DACH2: variants seen among roughly 807,000 people sequenced by gnomAD.
DACH2 encodes dachshund homolog 2.
A neutral mutation model predicts 35.8 loss-of-function variants in DACH2; 17 were observed. The observed-to-expected ratio is 0.48, with a 90% confidence interval of 0.33 to 0.71. The LOEUF (loss-of-function observed/expected upper bound fraction) is 0.71, where lower values mean the gene tolerates loss of function less well. Ranked by LOEUF, DACH2 falls within the 30% of genes least tolerant of loss-of-function variation. The pLI is 0.02. For synonymous variants in DACH2, 195 were observed against 177.3 expected, an observed-to-expected ratio of 1.10 and a Z score of -0.79; for missense variants, 469 against 472.7, an observed-to-expected ratio of 0.99 and a Z score of 0.07.
At chrX:86,554,726 A>G (rs1217323043) in intron 3 of DACH2, among the ~76,000 whole-genome samples, 2 of 111,756 alleles carry the variant, frequency 1.8e-5, no homozygotes, top group Non-Finnish European at 3.8e-5. Context: ...ATCTTCTCCA[A>G]GGAATATTTT....
At chrX:86,194,428 C>A (rs956398764) in intron 1 of DACH2, among the ~76,000 whole-genome samples, 2 of 111,597 alleles carry the variant, frequency 1.8e-5, no homozygotes, top group African/African-American at 6.5e-5. Flanking sequence ...AACTGGCGCA[C>A]TAACAGATCT....
At chrX:86,184,212 ATTT>A (rs34655546) in intron 1 of DACH2, 36 of 165,599 alleles carry the variant, frequency 2.2e-4, no homozygotes, top group Admixed American at 3.3e-4. Context: ...TAGTCTTCTG[ATTT>A]TTTTTTTTTT....
At chrX:86,459,006 C>T (rs1194237705) in intron 2 of DACH2, among the ~76,000 whole-genome samples, 1 of 110,594 alleles carries the variant, frequency 9.0e-6, no homozygotes, top group East Asian at 2.8e-4. Context: ...TACCCCAGAA[C>T]TTAAAGTATA....
At chrX:86,734,679 C>T (rs958682938) in intron 6 of DACH2, among the ~76,000 whole-genome samples, 2 of 111,190 alleles carry the variant, frequency 1.8e-5, no homozygotes, top group African/African-American at 3.3e-5. Context: ...TCATAAAGAT[C>T]CATAAAGTGT....
chrX:86,758,705 T>A (rs2041852169), intron 7 of DACH2, among the ~76,000 whole-genome samples: 1 of 112,354 alleles, frequency 8.9e-6, no homozygotes, highest in African/African-American at 3.2e-5. Flanking sequence ...ATTCTGTAAT[T>A]GTTGGATAAA....
chrX:86,322,497 T>C (rs1453715628), intron 1 of DACH2, among the ~76,000 whole-genome samples: 2 of 111,593 alleles, frequency 1.8e-5, no homozygotes, highest in Non-Finnish European at 3.8e-5. Context: ...CCTAGCACCA[T>C]AATTGCCACC....
intron 6 of DACH2, among the ~76,000 whole-genome samples, chrX:86,731,485 C>G (rs777409330): frequency 6.3e-5 from 7 of 111,624 alleles, no homozygotes; most frequent in Admixed American, 2.9e-4. Flanking sequence ...ACTTTTCCAA[C>G]CAGTTTACTT....
At chrX:86,160,611 C>T (rs1230229649) in intron 1 of DACH2, 9 of 497,987 alleles carry the variant, frequency 1.8e-5, no homozygotes, top group Non-Finnish European at 2.9e-5. Flanking sequence ...ATGCCGGCTG[C>T]TTTCATTGGT....
chrX:86,599,947 G>A (rs1294509060), intron 3 of DACH2, among the ~76,000 whole-genome samples: 2 of 111,689 alleles, frequency 1.8e-5, no homozygotes, highest in African/African-American at 6.5e-5. Flanking sequence ...GTTTGGTGGA[G>A]TGAGTGAGCT....
intron 1 of DACH2, among the ~76,000 whole-genome samples, chrX:86,162,153 CT>C (rs921736486): frequency 8.2e-5 from 9 of 109,462 alleles, no homozygotes; most frequent in African/African-American, 3.0e-4. Context: ...CCAAGAATTC[CT>C]TTTTTTTGAG....
chrX:86,795,609 C>G (rs1006332438), intron 7 of DACH2, among the ~76,000 whole-genome samples: 3 of 112,558 alleles, frequency 2.7e-5, no homozygotes, highest in Admixed American at 9.4e-5. Context: ...ACATATGATA[C>G]TGCGTCTGGA....
chrX:86,182,137 C>A (rs1173548484), intron 1 of DACH2, among the ~76,000 whole-genome samples: 1 of 111,683 alleles, frequency 9.0e-6, no homozygotes, highest in African/African-American at 3.3e-5. Context: ...CTGTAGGTTG[C>A]CTGTTCACTC....
chrX:86,149,165 A>G, intron 1 of DACH2, 57 bp downstream of exon 1: 1 of 1,117,455 alleles, frequency 8.9e-7, no homozygotes. Context: ...CCTCTTCTGC[A>G]TGCCTCACCA....
intron 1 of DACH2, among the ~76,000 whole-genome samples, chrX:86,242,145 G>C (rs930798173): frequency 5.8e-4 from 65 of 112,234 alleles, no homozygotes; most frequent in African/African-American, 2.0e-3. Context: ...CCAGACCCCA[G>C]AATTGTAGGT....
At chrX:86,292,326 A>G (rs1364388222) in intron 1 of DACH2, among the ~76,000 whole-genome samples, 27 of 94,929 alleles carry the variant, frequency 2.8e-4, no homozygotes, top group Non-Finnish European at 1.9e-4. Flanking sequence ...CTTTTTCTTT[A>G]TTAGTCTTAC....
chrX:86,305,400 G>A (rs1485568416), intron 1 of DACH2, among the ~76,000 whole-genome samples: 1 of 111,394 alleles, frequency 9.0e-6, no homozygotes, highest in African/African-American at 3.3e-5. Flanking sequence ...ATTCATTAAA[G>A]TTCTTGCCTA....
chrX:86,324,039 G>T (rs2035065379), intron 1 of DACH2, among the ~76,000 whole-genome samples: 1 of 112,098 alleles, frequency 8.9e-6, no homozygotes, highest in Non-Finnish European at 1.9e-5. Flanking sequence ...AAATGAAGCA[G>T]CTTTATTGTC....
intron 3 of DACH2, among the ~76,000 whole-genome samples, chrX:86,564,737 A>T (rs2039273074): frequency 9.0e-6 from 1 of 111,615 alleles, no homozygotes; most frequent in Non-Finnish European, 1.9e-5. Context: ...ATTGCTATAC[A>T]AGCAGGGTTG....
At chrX:86,387,722 T>C (rs987254654) in intron 2 of DACH2, among the ~76,000 whole-genome samples, 1 of 112,332 alleles carries the variant, frequency 8.9e-6, no homozygotes, top group Non-Finnish European at 1.9e-5. Flanking sequence ...CTTTAGTATC[T>C]AGCATATTTT....
Sources: allele counts gnomAD v4.1 joint callset (sites outside exome capture counted in the v4.1 genomes callset), GRCh38; gene constraint gnomAD v4.1.1; transcripts MANE v1.5; gene names NCBI Gene and HGNC (gene_info 2026-07-23, HGNC 2026-07-21).